The following NGEF variants were observed in gnomAD, a reference collection of about 807,000 sequenced individuals.
NGEF encodes the protein ephexin-1.
In NGEF, 31 loss-of-function variants were observed where a neutral mutation model predicts 80.9. The ratio of observed to expected loss-of-function variants is 0.38; its 90% CI spans 0.29 to 0.52. The LOEUF (loss-of-function observed/expected upper bound fraction) is 0.52. Among genes scored for constraint, NGEF ranks in the 20% least tolerant of loss-of-function variants. The pLI is 0.84. For synonymous variants in NGEF, 371 were observed against 370.2 expected (o/e 1.00, Z -0.03); for missense variants, 709 against 926.2 (o/e 0.77, Z 3.04).
chr2:232,949,304 A>G (rs918726116), intron 3 of NGEF, among the ~76,000 whole-genome samples: 2 of 152,206 alleles, frequency 1.3e-5, no homozygotes, highest in South Asian at 4.1e-4. Context: ...ATCTGACTCA[A>G]TGAACTGCAA....
At chr2:232,909,976 C>T (rs1001327431) in intron 5 of NGEF, among the ~76,000 whole-genome samples, 2 of 152,194 alleles carry the variant, frequency 1.3e-5, no homozygotes, top group Non-Finnish European at 2.9e-5. Flanking sequence ...TACACACCAC[C>T]ATATGGATGT....
chr2:232,930,620 T>C (rs1276038717), intron 3 of NGEF, among the ~76,000 whole-genome samples: 1 of 151,828 alleles, frequency 6.6e-6, no homozygotes, highest in Non-Finnish European at 1.5e-5. Flanking sequence ...GGATTATAGG[T>C]GTGAGCCACC....
intron 3 of NGEF, among the ~76,000 whole-genome samples, chr2:232,950,604 T>A (rs540989492): frequency 1.3e-5 from 2 of 152,206 alleles, no homozygotes; most frequent in African/African-American, 4.8e-5. Flanking sequence ...AAGACAGCAG[T>A]GTTCTGATTT....
In NGEF at chr2:232,892,060, G is replaced by A. The variant is rs183460611; in HGVS notation, c.1143-573C>T. On this transcript the variant is annotated intron_variant, in intron 7 of 14. Coordinates refer to ENST00000264051, the MANE Select transcript of NGEF (RefSeq NM_019850.3). The surrounding 1 kb of genome is among the most constrained non-coding windows in gnomAD (Gnocchi z 4.0). ...AGCCTCTGTGCTCACACGGCCTGGC[G>A]GGGGCCACAGCGGCAGGCTCTTGGG... Among the ~76,000 whole-genome samples, 437 of 152,092 alleles carry A rather than the reference G, an allele frequency of 2.9e-3. 2 individuals are homozygous for A. Among genetic ancestry groups the A allele is most frequent in the African/African-American group, 9.9e-3 (410 of 41,386 alleles).
intron 5 of NGEF, among the ~76,000 whole-genome samples, chr2:232,911,472 C>T (rs968854859): frequency 6.6e-6 from 1 of 152,148 alleles, no homozygotes; most frequent in African/African-American, 2.4e-5. Flanking sequence ...TTTTTGAAAA[C>T]TGTTCAGGGC....
chr2:232,988,452 G>A (rs1694583622), intron 1 of NGEF, among the ~76,000 whole-genome samples: 1 of 152,210 alleles, frequency 6.6e-6, no homozygotes, highest in African/African-American at 2.4e-5. Flanking sequence ...TGCTATATTG[G>A]CAAAAACTCA....
chr2:232,912,328 ATATT>A (rs1692707072), intron 5 of NGEF, among the ~76,000 whole-genome samples: 2 of 152,230 alleles, frequency 1.3e-5, no homozygotes, highest in East Asian at 3.9e-4. Flanking sequence ...TGATTTTCAA[ATATT>A]TAACTAACCT....
chr2:232,925,661 C>T (rs796843083), intron 4 of NGEF, among the ~76,000 whole-genome samples: 7 of 152,312 alleles, frequency 4.6e-5, no homozygotes, highest in African/African-American at 1.7e-4. Flanking sequence ...GATGTCTTTC[C>T]TGGTAGTGAC....
intron 1 of NGEF, among the ~76,000 whole-genome samples, chr2:232,977,614 G>T (rs959065325): frequency 6.6e-6 from 1 of 152,172 alleles, no homozygotes; most frequent in African/African-American, 2.4e-5. Flanking sequence ...ACAGTGATAG[G>T]CAGGGGTCCC....
chr2:232,988,242 C>CA (rs1559236530), intron 1 of NGEF, among the ~76,000 whole-genome samples: 1 of 152,086 alleles, frequency 6.6e-6, no homozygotes, highest in Non-Finnish European at 1.5e-5. Context: ...TGCCACTCCC[C>CA]AAACTGTCTG....
chr2:232,905,139 C>T (rs1013199652), intron 5 of NGEF, among the ~76,000 whole-genome samples: 6 of 151,882 alleles, frequency 4.0e-5, no homozygotes, highest in African/African-American at 1.5e-4. Flanking sequence ...CCACGGTCTC[C>T]CTCTCATGCC....
chr2:232,888,285 C>T (rs564806125), intron 8 of NGEF, among the ~76,000 whole-genome samples, 178 bp from the exon 9 acceptor site: 3 of 151,464 alleles, frequency 2.0e-5, no homozygotes, highest in East Asian at 2.0e-4. Flanking sequence ...TACAGACCTG[C>T]GTGTGCACAC....
intron 3 of NGEF, among the ~76,000 whole-genome samples, chr2:232,969,422 A>G (rs1028852567): frequency 6.9e-6 from 1 of 143,962 alleles, no homozygotes; most frequent in Non-Finnish European, 1.5e-5. Context: ...GATACAGTGA[A>G]CTATCTCTCC....
At chr2:232,896,432 A>G (rs900757918) in intron 5 of NGEF, among the ~76,000 whole-genome samples, 3 of 151,558 alleles carry the variant, frequency 2.0e-5, no homozygotes, top group Admixed American at 1.3e-4. Flanking sequence ...GGGAGAATCA[A>G]TCCTGTGATC....
chr2:232,924,205 CCA>C (rs2106280615), intron 4 of NGEF, among the ~76,000 whole-genome samples: 1 of 152,194 alleles, frequency 6.6e-6, no homozygotes, highest in East Asian at 1.9e-4. Flanking sequence ...CCACTGCACT[CCA>C]GTCTGGGTGA....
intron 3 of NGEF, among the ~76,000 whole-genome samples, chr2:232,937,745 A>G (rs1693356641): frequency 6.6e-6 from 1 of 152,150 alleles, no homozygotes; most frequent in Non-Finnish European, 1.5e-5. Flanking sequence ...GCAGTAATTA[A>G]GTGGAGCATC....
chr2:232,948,116 G>A (rs1321416567), intron 3 of NGEF, among the ~76,000 whole-genome samples: 3 of 151,484 alleles, frequency 2.0e-5, no homozygotes, highest in Non-Finnish European at 4.4e-5. Flanking sequence ...GACAATTGGG[G>A]GCCATGGGGT....
chr2:232,884,753 C>T (rs563992933), intron 10 of NGEF, among the ~76,000 whole-genome samples: 2 of 152,350 alleles, frequency 1.3e-5, no homozygotes, highest in African/African-American at 4.8e-5. Flanking sequence ...CCGCCTCTGC[C>T]TCCTCTAGTG....
chr2:232,949,354 T>C (rs889518297), intron 3 of NGEF, among the ~76,000 whole-genome samples: 2 of 152,268 alleles, frequency 1.3e-5, no homozygotes, highest in African/African-American at 4.8e-5. Context: ...GTCTGATTTC[T>C]GAGTATCTTC....
Sources: allele counts gnomAD v4.1 joint callset (sites outside exome capture counted in the v4.1 genomes callset), GRCh38; gene constraint gnomAD v4.1.1; non-coding constraint Gnocchi (gnomAD v3.1); transcripts MANE v1.5; gene names NCBI Gene and HGNC (gene_info 2026-07-23, HGNC 2026-07-21).